DAB2: variants seen among roughly 807,000 people sequenced by gnomAD.
DAB2 encodes disabled homolog 2.
DAB2 carries 28 observed loss-of-function variants against 71.6 expected under a neutral mutation model. The ratio of observed to expected loss-of-function variants is 0.39; its 90% CI spans 0.29 to 0.54. The LOEUF is 0.54. DAB2 is among the 20% of genes least tolerant of loss of function. DAB2 has a pLI of 0.68. For missense variants in DAB2, 867 were observed against 928.8 expected (o/e 0.93, Z 0.86); for synonymous variants, 345 against 339.7 (o/e 1.02, Z -0.17).
chr5:39,415,720 T>C (rs1243364560), intron 1 of DAB2, among the ~76,000 whole-genome samples: 2 of 152,136 alleles, frequency 1.3e-5, no homozygotes, highest in Non-Finnish European at 2.9e-5. Flanking sequence ...ATGGACTTCA[T>C]GATCAATACA....
intron 1 of DAB2, chr5:39,418,444 AT>A (rs904929623): frequency 6.6e-6 from 1 of 152,222 alleles, no homozygotes; most frequent in African/African-American, 2.4e-5. Flanking sequence ...ATATAAAAAA[AT>A]AAGTGAGATC....
chr5:39,392,794 T>C (rs948993815), intron 3 of DAB2, among the ~76,000 whole-genome samples: 3 of 152,242 alleles, frequency 2.0e-5, no homozygotes, highest in Admixed American at 6.5e-5. Context: ...CAGTTTCACA[T>C]AGTGCCATAG....
chr5:39,377,126 C>A lies in DAB2; in HGVS notation c.1661G>T (p.Gly554Val). Residue 554 changes from glycine (G) to valine (V), a missense_variant, in exon 12 of 15, where the codon GGT becomes GTT. Transcript: ENST00000320816. ...TGCAAAGGGTGAAGGCTGGTTCCAA[C>A]CTGAAACAGCTGGACTTGTACCAAA... Reference protein sequence around the residue: ...VIFGTSPAVSGWNQPSPFAAS... With the variant: ...VIFGTSPAVSVWNQPSPFAAS... 6.2e-7 allele frequency: 1 copy of A among 1,614,104 alleles called. No individual in the cohort carries two copies. Among genetic ancestry groups the A allele is most frequent in the East Asian group, 2.2e-5 (1 of 44,862 alleles).
intron 10 of DAB2, 32 bp from the exon 11 acceptor site, chr5:39,381,648 A>C (rs1294158284): frequency 1.9e-6 from 3 of 1,611,964 alleles, no homozygotes; most frequent in Non-Finnish European, 2.5e-6. Flanking sequence ...GAGAAGCCTT[A>C]GTTACTCACT....
intron 1 of DAB2, among the ~76,000 whole-genome samples, chr5:39,406,270 G>A (rs1045873928): frequency 2.4e-4 from 36 of 152,142 alleles, no homozygotes; most frequent in African/African-American, 7.2e-4. Flanking sequence ...GGCATGCCTT[G>A]GTGCAGTGGC....
intron 1 of DAB2, among the ~76,000 whole-genome samples, chr5:39,395,529 T>C (rs1755340538): frequency 6.6e-6 from 1 of 152,236 alleles, no homozygotes; most frequent in African/African-American, 2.4e-5. Flanking sequence ...TTTTACTCAA[T>C]TTAAATTGCA....
At chr5:39,413,735 A>G (rs188150718) in intron 1 of DAB2, among the ~76,000 whole-genome samples, 5 of 152,320 alleles carry the variant, frequency 3.3e-5, no homozygotes, top group African/African-American at 1.2e-4. Context: ...ATACATTTAG[A>G]ATAAGTGATA....
chr5:39,407,339 C>A (rs1755629465), intron 1 of DAB2, among the ~76,000 whole-genome samples: 1 of 152,204 alleles, frequency 6.6e-6, no homozygotes, highest in Non-Finnish European at 1.5e-5. Context: ...CCTGCCTCAG[C>A]CTCCTGAGAA....
chr5:39,407,221 G>A (rs1479865967), intron 1 of DAB2, among the ~76,000 whole-genome samples: 1 of 152,086 alleles, frequency 6.6e-6, no homozygotes, highest in Non-Finnish European at 1.5e-5. Context: ...TAGGTTTTTT[G>A]TTTGTTTGTT....
chr5:39,376,963 G>A lies in DAB2; in HGVS notation c.1824C>T (p.Pro608=), dbSNP rs1351133969. Residue 608 remains proline (P), a synonymous_variant, in exon 12 of 15, where the codon CCC becomes CCT. Coordinates refer to ENST00000320816, the MANE Select transcript of DAB2 (RefSeq NM_001343.4). Reference sequence around the variant, plus strand: ...CCAGGAGAGAGGAGTGCATGGATGGGGGCTGAGTGGACACAGCAGGAGCTG... The same window carrying A: ...CCAGGAGAGAGGAGTGCATGGATGGAGGCTGAGTGGACACAGCAGGAGCTG... ...IFPAPAVSTQ[P]PSMHSSLLVT... The A allele has an allele frequency of 6.2e-7, 1 of 1,614,108 alleles. No homozygotes were observed. The highest frequency in any genetic ancestry group is 8.5e-7 in the Non-Finnish European group (1 of 1,180,004).
intron 1 of DAB2, among the ~76,000 whole-genome samples, chr5:39,407,859 G>T (rs954999248): frequency 6.6e-6 from 1 of 152,132 alleles, no homozygotes; most frequent in African/African-American, 2.4e-5. Flanking sequence ...ATAAATGAAG[G>T]GCTACGTACA....
chr5:39,382,504 A>T, intron 10 of DAB2, 114 bp downstream of exon 10: 1 of 1,192,698 alleles, frequency 8.4e-7, no homozygotes, highest in Non-Finnish European at 1.2e-6. Context: ...CCCACCTTCT[A>T]TTTCACAGCA....
chr5:39,395,951 T>C (rs1755358597), intron 1 of DAB2, among the ~76,000 whole-genome samples: 2 of 128,436 alleles, frequency 1.6e-5, no homozygotes, highest in South Asian at 5.6e-4. Context: ...TTTTTTTTTT[T>C]TTTTTTTTTG....
chr5:39,403,716 AT>A (rs60449035), intron 1 of DAB2, among the ~76,000 whole-genome samples: 4,340 of 135,204 alleles, frequency 0.032, 75 homozygotes, highest in South Asian at 0.09. Flanking sequence ...TTTTTTTGGA[AT>A]TTTTTTTTTT....
At chr5:39,404,605 G>C (rs1275661014) in intron 1 of DAB2, among the ~76,000 whole-genome samples, 1 of 151,344 alleles carries the variant, frequency 6.6e-6, no homozygotes. Flanking sequence ...TTGAGACAGA[G>C]TCTTGCTCTG....
chr5:39,417,208 G>A (rs1579928764), intron 1 of DAB2: 1 of 151,910 alleles, frequency 6.6e-6, no homozygotes, highest in African/African-American at 2.4e-5. Context: ...GTGATGGGTT[G>A]ATGGATGCAG....
chr5:39,380,707 A>G (rs1300125045), intron 11 of DAB2, among the ~76,000 whole-genome samples: 4 of 152,240 alleles, frequency 2.6e-5, no homozygotes, highest in Admixed American at 2.6e-4. Flanking sequence ...TCAGCGGCTC[A>G]CACAAGCTAA....
At chr5:39,379,987 C>A (rs904023412) in intron 11 of DAB2, among the ~76,000 whole-genome samples, 1 of 152,210 alleles carries the variant, frequency 6.6e-6, no homozygotes, top group Non-Finnish European at 1.5e-5. Context: ...TATTTTCAGG[C>A]TGACTTGTTA....
In DAB2 at chr5:39,389,879, T is replaced by C; in HGVS notation, c.516A>G (p.Val172=). The C allele has an allele frequency of 6.3e-7, 1 of 1,591,176 alleles. No homozygotes were observed. The highest frequency in any genetic ancestry group is 8.6e-7 in the Non-Finnish European group (1 of 1,165,076). The change falls in exon 6 of 15, where the codon GTA becomes GTG. Residue 172 remains valine, a synonymous_variant. Coordinates refer to ENST00000320816, the MANE Select transcript of DAB2 (RefSeq NM_001343.4). ...LKDLFQVIYN[V]KKKEEEKKKI... is the part of the protein sequence containing the mutation. ...TTTTCTTTTCTTCTTCCTTTTTCTT[T>C]ACATTATAGATAACTTGAAAAAGGT...
Sources: allele counts gnomAD v4.1 joint callset (sites outside exome capture counted in the v4.1 genomes callset), GRCh38; gene constraint gnomAD v4.1.1; transcripts MANE v1.5; gene names NCBI Gene and HGNC (gene_info 2026-07-23, HGNC 2026-07-21).